The following MCTP1 variants were observed in gnomAD, a reference collection of about 807,000 sequenced individuals.
The protein encoded by MCTP1 is multiple C2 and transmembrane domain-containing protein 1.
A neutral mutation model predicts 120.6 loss-of-function variants in MCTP1; 69 were observed. The observed-to-expected ratio is 0.57, with a 90% CI of 0.47 to 0.70. MCTP1 has a LOEUF of 0.70. Among genes scored for constraint, MCTP1 ranks in the 30% least tolerant of loss-of-function variants. The pLI, the probability that MCTP1 is intolerant of heterozygous loss-of-function variation, is 0.00. For synonymous variants in MCTP1, 529 were observed against 493.1 expected, an observed-to-expected ratio of 1.07 and a Z score of -0.96; for missense variants, 1,203 against 1,248.8, an observed-to-expected ratio of 0.96 and a Z score of 0.55.
At chr5:95,163,067 GTCT>G (rs1478595789) in intron 1 of MCTP1, among the ~76,000 whole-genome samples, 21 of 152,002 alleles carry the variant, frequency 1.4e-4, no homozygotes, top group African/African-American at 1.2e-4. Flanking sequence ...ATCAAAATTT[GTCT>G]TCTTTGTATA....
At chr5:94,992,631 G>A (rs1831814282) in intron 2 of MCTP1, among the ~76,000 whole-genome samples, 1 of 152,178 alleles carries the variant, frequency 6.6e-6, no homozygotes, top group Admixed American at 6.6e-5. Context: ...CAGGTACAAT[G>A]TCTTTGGGAG....
chr5:95,193,025 T>C (rs1383356477), intron 1 of MCTP1, among the ~76,000 whole-genome samples: 1 of 152,172 alleles, frequency 6.6e-6, no homozygotes, highest in African/African-American at 2.4e-5. Context: ...TTACCTCGAA[T>C]GGTCATTGCT....
intron 2 of MCTP1, among the ~76,000 whole-genome samples, chr5:95,008,520 A>G (rs1835223670): frequency 6.6e-6 from 1 of 152,130 alleles, no homozygotes. Context: ...CATTTTGTTG[A>G]TCATTTAAAT....
At chr5:94,909,543 C>G (rs546338442) in intron 9 of MCTP1, among the ~76,000 whole-genome samples, 162 bp from the exon 10 acceptor site, 2 of 152,110 alleles carry the variant, frequency 1.3e-5, no homozygotes, top group East Asian at 3.9e-4. Context: ...CTCATTAGAT[C>G]TCCAGCATCT....
At chr5:94,734,795 T>G (rs960738596) in intron 19 of MCTP1, among the ~76,000 whole-genome samples, 12 of 152,238 alleles carry the variant, frequency 7.9e-5, no homozygotes, top group African/African-American at 2.9e-4. Flanking sequence ...AATAGTAGCA[T>G]ATGATAAATA....
Position 94,752,457 on chromosome 5 carries a change from G to A in MCTP1, c.2610+26653C>T, listed in dbSNP as rs1022153136. Among the ~76,000 whole-genome samples the A allele has an allele frequency of 6.6e-5, 10 of 152,114 alleles. No homozygotes were observed. The South Asian group carries it at 2.1e-3, about 32-fold the overall frequency. ...TCAGAGGTTAAGGGTCAAATAGGTA[G>A]GCTGAGTTTGCAAGTGCTTGAAGCT... On this transcript the variant is annotated intron_variant, in intron 19 of 22. Coordinates refer to ENST00000515393, the MANE Select transcript of MCTP1 (RefSeq NM_024717.7).
At chr5:95,080,269 A>G (rs975752615) in intron 1 of MCTP1, among the ~76,000 whole-genome samples, 1 of 152,208 alleles carries the variant, frequency 6.6e-6, no homozygotes, top group African/African-American at 2.4e-5. Flanking sequence ...TGCAAAAGTC[A>G]GATGTTACAT....
chr5:94,913,218 C>T (rs764244046), intron 8 of MCTP1, among the ~76,000 whole-genome samples: 2 of 152,006 alleles, frequency 1.3e-5, no homozygotes, highest in African/African-American at 2.4e-5. Flanking sequence ...TCTAGCTTTT[C>T]AATTCTTAAG....
chr5:94,909,470 T>C, intron 9 of MCTP1, 89 bp from the exon 10 acceptor site: 1 of 1,342,240 alleles, frequency 7.5e-7, no homozygotes, highest in Non-Finnish European at 1.0e-6. Context: ...TTTGGTACTA[T>C]AGTATCTAGA....
intron 3 of MCTP1, among the ~76,000 whole-genome samples, chr5:94,947,163 C>G (rs191451918): frequency 7.2e-5 from 11 of 152,258 alleles, no homozygotes; most frequent in Non-Finnish European, 1.0e-4. Flanking sequence ...CCCTGTGATA[C>G]CGTACTCTGA....
At chr5:94,826,446 A>G (rs962022918) in intron 17 of MCTP1, 1 of 677,518 alleles carries the variant, frequency 1.5e-6, no homozygotes, top group Non-Finnish European at 2.7e-6. Context: ...TGGGTTCTTC[A>G]GGAACACAGA....
intron 19 of MCTP1, among the ~76,000 whole-genome samples, chr5:94,736,481 T>C (rs1764282030): frequency 6.6e-6 from 1 of 152,048 alleles, no homozygotes; most frequent in African/African-American, 2.4e-5. Flanking sequence ...AGACCCTGTC[T>C]CAAAAAAAAA....
chr5:94,867,096 CA>C (rs1796956267), intron 17 of MCTP1: 2 of 604,376 alleles, frequency 3.3e-6, no homozygotes, highest in East Asian at 7.3e-5. Flanking sequence ...TTTTTCTCAT[CA>C]ATGTAAAAGT....
intron 1 of MCTP1, among the ~76,000 whole-genome samples, chr5:95,159,976 C>T (rs1364873633): frequency 2.0e-5 from 3 of 151,998 alleles, no homozygotes; most frequent in African/African-American, 7.2e-5. Flanking sequence ...GAACAGCATG[C>T]TATGTTTGGG....
rs3030518 is a variant in MCTP1, at chr5:94,947,577, T to TAGAGAG, written c.982-5156_982-5151dup. Among the ~76,000 whole-genome samples the TAGAGAG allele has an allele frequency of 1.2e-3, 58 of 47,348 alleles. 1 individual carries two copies. The highest frequency in any genetic ancestry group is 5.8e-3 in the Admixed American group (23 of 3,940). 31.1% of individuals were successfully genotyped at this position (47,348 alleles called of 152,430 possible). ...CTAAATATATATATATATATATATA[T>TAGAGAG]AGAGAGAGAGAGAGAGAGAGAGAGA... On this transcript the variant is annotated intron_variant, in intron 3 of 22. Coordinates refer to ENST00000515393, the MANE Select transcript of MCTP1 (RefSeq NM_024717.7).
At chr5:94,810,501 A>G (rs924512317) in intron 17 of MCTP1, among the ~76,000 whole-genome samples, 6 of 152,198 alleles carry the variant, frequency 3.9e-5, no homozygotes, top group Non-Finnish European at 8.8e-5. Context: ...ATACTGTGCC[A>G]GAAAATAGGA....
intron 2 of MCTP1, among the ~76,000 whole-genome samples, chr5:94,956,201 A>T (rs293041): frequency 0.044 from 6,667 of 152,322 alleles, 186 homozygotes; most frequent in East Asian, 0.087. Flanking sequence ...ACTAACAAAC[A>T]GAAAGGAATA....
chr5:95,169,918 A>T (rs1330952391), intron 1 of MCTP1, among the ~76,000 whole-genome samples: 1 of 151,684 alleles, frequency 6.6e-6, no homozygotes, highest in Non-Finnish European at 1.5e-5. Context: ...GATCTTAGTT[A>T]TTTCTTGCAC....
chr5:95,076,781 T>C (rs1753688768), intron 1 of MCTP1, among the ~76,000 whole-genome samples: 1 of 152,234 alleles, frequency 6.6e-6, no homozygotes, highest in Non-Finnish European at 1.5e-5. Context: ...GGGAAAAATC[T>C]ATACGATAAT....
Sources: allele counts gnomAD v4.1 joint callset (sites outside exome capture counted in the v4.1 genomes callset), GRCh38; gene constraint gnomAD v4.1.1; transcripts MANE v1.5; gene names NCBI Gene and HGNC (gene_info 2026-07-23, HGNC 2026-07-21).